The following SLC25A48 variants were observed in gnomAD, a reference collection of about 807,000 sequenced individuals.
The protein encoded by SLC25A48 is solute carrier family 25 member 48, also known as CTC-321K16.1.
In SLC25A48, 29 loss-of-function variants were observed where a neutral mutation model predicts 32.2. That is an observed-to-expected ratio of 0.90 (90% CI 0.67 to 1.23). The LOEUF (loss-of-function observed/expected upper bound fraction) is 1.23. Among genes scored for constraint, SLC25A48 ranks in the 50% most tolerant of loss-of-function variants. SLC25A48 has a pLI of 0.00. For missense variants in SLC25A48, 399 were observed against 422.7 expected (o/e 0.94, Z 0.49); for synonymous variants, 164 against 172.3 (o/e 0.95, Z 0.38).
At chr5:135,745,068 T>C (rs1755609149) in intron 3 of SLC25A48, among the ~76,000 whole-genome samples, 2 of 152,010 alleles carry the variant, frequency 1.3e-5, no homozygotes, top group South Asian at 4.1e-4. Context: ...AACCCAGCAG[T>C]GCTAGAGGAA....
chr5:135,878,631 C>G (rs1024192757), intron 6 of SLC25A48, among the ~76,000 whole-genome samples: 1 of 152,156 alleles, frequency 6.6e-6, no homozygotes, highest in Non-Finnish European at 1.5e-5. Flanking sequence ...TAGCCAGTGA[C>G]AGAGGCCTGC....
chr5:135,783,369 G>T (rs116672906), intron 3 of SLC25A48, among the ~76,000 whole-genome samples: 1,283 of 115,568 alleles, frequency 0.011, 176 homozygotes, highest in African/African-American at 0.033. Context: ...GAAGGGGAAA[G>T]AATGATATTA....
At chr5:135,785,722 G>C (rs1756825063) in intron 3 of SLC25A48, among the ~76,000 whole-genome samples, 1 of 150,146 alleles carries the variant, frequency 6.7e-6, no homozygotes, top group Non-Finnish European at 1.5e-5. Flanking sequence ...GGGAGAGGGA[G>C]AGGGTGATGT....
At chr5:135,865,849 G>A (rs370429552) in intron 4 of SLC25A48, among the ~76,000 whole-genome samples, 142 of 152,246 alleles carry the variant, frequency 9.3e-4, no homozygotes, top group African/African-American at 3.0e-3. Flanking sequence ...TTAAGAGTTC[G>A]TGGACTAAGA....
At chr5:135,640,338 G>A (rs952945827) in intron 3 of SLC25A48, among the ~76,000 whole-genome samples, 6 of 152,066 alleles carry the variant, frequency 3.9e-5, no homozygotes, top group Admixed American at 2.6e-4. Context: ...AGAGAATGAG[G>A]CAGAAAAATA....
rs187159326 is a variant in SLC25A48, at chr5:135,702,890, C to T, written c.-521+67934C>T. 1.8e-3 allele frequency among the ~76,000 whole-genome samples: 277 copies of T among 152,364 alleles called. 1 individual carries two copies. The highest frequency in any genetic ancestry group is 6.4e-3 in the African/African-American group (267 of 41,586). On this transcript the variant is annotated intron_variant, in intron 3 of 10. Transcript: ENST00000646290. ...TATTCAACACCAAACCAGCCTCCTT[C>T]GTGGCTCACACAGGGCCAGAATGGA...
intron 3 of SLC25A48, among the ~76,000 whole-genome samples, chr5:135,713,660 C>A (rs17168961): frequency 1.4e-4 from 21 of 152,290 alleles, no homozygotes; most frequent in Non-Finnish European, 1.9e-4. Context: ...GAAGTTAGTT[C>A]TTAGGGTGAG....
chr5:135,729,637 A>G (rs2126990385), intron 3 of SLC25A48, among the ~76,000 whole-genome samples: 1 of 152,328 alleles, frequency 6.6e-6, no homozygotes, highest in East Asian at 1.9e-4. Context: ...ATCATTAATG[A>G]TGACCCCATG....
At chr5:135,887,062 A>G (rs1051750840) in intron 7 of SLC25A48, among the ~76,000 whole-genome samples, 10 of 152,184 alleles carry the variant, frequency 6.6e-5, no homozygotes, top group African/African-American at 2.2e-4. Context: ...ACAACTGCTT[A>G]TATATTTACC....
At chr5:135,826,178 A>C (rs1758042247) in intron 4 of SLC25A48, among the ~76,000 whole-genome samples, 1 of 152,018 alleles carries the variant, frequency 6.6e-6, no homozygotes, top group South Asian at 2.1e-4. Flanking sequence ...AGATTCTCCC[A>C]GCCCCTCTCA....
At chr5:135,836,064 C>A (rs1758477804) in intron 1 of SLC25A48, among the ~76,000 whole-genome samples, 2 of 152,190 alleles carry the variant, frequency 1.3e-5, no homozygotes, top group South Asian at 4.1e-4. Context: ...CACCATTCAG[C>A]GGGGCAGGCA....
intron 3 of SLC25A48, among the ~76,000 whole-genome samples, chr5:135,755,778 G>A (rs1755885671): frequency 6.6e-6 from 1 of 151,682 alleles, no homozygotes; most frequent in Non-Finnish European, 1.5e-5. Context: ...TAGTGTCAAT[G>A]CACTATGGTA....
At chr5:135,731,078 G>A (rs1755209356) in intron 3 of SLC25A48, among the ~76,000 whole-genome samples, 2 of 152,202 alleles carry the variant, frequency 1.3e-5, no homozygotes, top group Admixed American at 1.3e-4. Context: ...GGGTGCAGGT[G>A]GGCTGAGTCC....
At chr5:135,660,613 T>C (rs1753373708) in intron 3 of SLC25A48, among the ~76,000 whole-genome samples, 1 of 152,232 alleles carries the variant, frequency 6.6e-6, no homozygotes, top group Non-Finnish European at 1.5e-5. Flanking sequence ...ACAAGTTACC[T>C]GACTTCTCTA....
intron 3 of SLC25A48, among the ~76,000 whole-genome samples, chr5:135,682,075 C>A (rs1186517691): frequency 6.6e-6 from 1 of 152,188 alleles, no homozygotes; most frequent in African/African-American, 2.4e-5. Flanking sequence ...TGGTACTCTG[C>A]CCCATAAATC....
At chr5:135,882,291 A>G (rs761568173) in intron 7 of SLC25A48, among the ~76,000 whole-genome samples, 12 of 152,184 alleles carry the variant, frequency 7.9e-5, no homozygotes, top group Non-Finnish European at 1.3e-4. Context: ...CTAACCCCCA[A>G]ATACCAAGGC....
In SLC25A48 at chr5:135,698,581, A is replaced by G. The variant is rs144775021; in HGVS notation, c.-521+63625A>G. 4.6e-3 allele frequency among the ~76,000 whole-genome samples: 698 copies of G among 152,170 alleles called. 6 individuals carry two copies. Among genetic ancestry groups the G allele is most frequent in the Non-Finnish European group, 8.2e-3 (560 of 68,006 alleles). The stretch of plus-strand genomic sequence containing the variant: ...CATAAGCCTAAATATAAAACCTGGA[A>G]CCAAAAAGCTTCTTGAAAAAAAGAT... On this transcript the variant is annotated intron_variant, in intron 3 of 10. Transcript: ENST00000646290.
intron 1 of SLC25A48, among the ~76,000 whole-genome samples, chr5:135,599,589 G>A (rs1372692495): frequency 6.6e-6 from 1 of 152,232 alleles, no homozygotes; most frequent in Non-Finnish European, 1.5e-5. Context: ...AACCGAGGCT[G>A]GGAGTTGTGA....
At chr5:135,840,774 C>T (rs2126698542) in intron 1 of SLC25A48, among the ~76,000 whole-genome samples, 1 of 152,276 alleles carries the variant, frequency 6.6e-6, no homozygotes, top group South Asian at 2.1e-4. Flanking sequence ...AAACAGTATT[C>T]CTCTGTATAA....
Sources: gnomAD v4.1 joint callset for allele counts (sites outside exome capture counted in the v4.1 genomes callset) on GRCh38, gnomAD v4.1.1 for gene constraint, MANE v1.5 for transcripts, NCBI Gene and HGNC (gene_info 2026-07-23, HGNC 2026-07-21) for gene names.